TNK2: variants seen among roughly 807,000 people sequenced by gnomAD.
The protein encoded by TNK2 is tyrosine kinase non receptor 2, also known as activated CDC42 kinase 1.
A neutral mutation model predicts 101.8 loss-of-function variants in TNK2; 83 were observed. The ratio of observed to expected loss-of-function variants is 0.82; its 90% CI spans 0.68 to 0.98. The LOEUF is 0.98. TNK2 is among the 50% of genes least tolerant of loss of function. The pLI is 0.00. For missense variants in TNK2, 1,665 were observed against 1,483.2 expected, an observed-to-expected ratio of 1.12 and a Z score of -2.01; for synonymous variants, 804 against 633.0, an observed-to-expected ratio of 1.27 and a Z score of -4.06.
At chr3:195,876,691 G>A (rs1003015759) in intron 9 of TNK2, 2 of 453,122 alleles carry the variant, frequency 4.4e-6, no homozygotes, top group Non-Finnish European at 8.9e-6. Context: ...GGAGCCCCCA[G>A]AGCCCCACCA....
In TNK2 at chr3:195,885,788, G is replaced by A. The variant is rs183429318; in HGVS notation, c.235-755C>T. 7 of 355,076 alleles carry A rather than the reference G, an allele frequency of 2.0e-5. No homozygotes were observed. The highest frequency in any genetic ancestry group is 1.1e-4 in the Admixed American group (3 of 26,228). The allele number at this position is 355,076 out of a possible 1,614,324, so 22.0% of individuals were successfully genotyped here. A position where few individuals can be genotyped will look rare whatever the true frequency, so the allele number is the denominator to read the frequency against. ...CATGAGGGTCAAAGCTGGCCACGTC[G>A]GTCTGACTCGGCCTCCACTGAGGCA... On this transcript the variant is annotated intron_variant, in intron 3 of 15. Coordinates refer to ENST00000672887, the MANE Select transcript of TNK2 (RefSeq NM_001382273.1). This position sits in a 1 kb window ranked among gnomAD's most constrained non-coding sequence, Gnocchi z 4.7.
rs774417266 is a variant in TNK2 at position 195,867,055 on chromosome 3, G to A, written c.3034-39C>T. 30 of 1,611,242 alleles carry A rather than the reference G, an allele frequency of 1.9e-5. No individual in the cohort carries two copies. In the East Asian group the frequency reaches 2.5e-4, roughly 13 times the overall value. ...TGGCGCCATGGACACGCGGGCCCAGGGCACCGACTAGGGTGGGGAAGAGGG... is the reference window on the plus strand; with the variant it reads ...TGGCGCCATGGACACGCGGGCCCAGAGCACCGACTAGGGTGGGGAAGAGGG... On this transcript the variant is annotated intron_variant, in intron 14 of 15. Transcript: ENST00000672887.
At position 195,885,531 on chromosome 3, in the gene TNK2, G is replaced by A. The variant is rs1341504263; in HGVS notation, c.235-498C>T. 3.9e-6 allele frequency: 5 copies of A among 1,292,560 alleles called. No individual in the cohort carries two copies. The highest frequency in any genetic ancestry group is 5.0e-6 in the Non-Finnish European group (5 of 990,784). The allele number at this position is 1,292,560 out of a possible 1,614,324, so 80.1% of individuals were successfully genotyped here. On this transcript the variant is annotated intron_variant, in intron 3 of 15. Transcript: ENST00000672887. This position sits in a 1 kb window ranked among gnomAD's most constrained non-coding sequence, Gnocchi z 4.7. ...TGTCTCCACCCTCACCAGGGAGTCGGCTGCCCTTCATCCTGCCCAGGGGAG... is the reference window on the plus strand; with the variant it reads ...TGTCTCCACCCTCACCAGGGAGTCGACTGCCCTTCATCCTGCCCAGGGGAG...
chr3:195,867,477 T>C lies in TNK2; in HGVS notation c.2821A>G (p.Asn941Asp). 1 of 1,567,970 alleles carries C rather than the reference T, an allele frequency of 6.4e-7. No homozygotes were observed. The highest frequency in any genetic ancestry group is 1.4e-5 in the African/African-American group (1 of 73,024). Reference protein sequence around the residue: ...ALDPKANFSTNNSNPGARPPP... With the variant: ...ALDPKANFSTDNSNPGARPPP... Reference sequence around the variant, plus strand: ...GGCCGGGCCCCTGGGTTGCTGTTGTTGGTGGAGAAGTTGGCCTTGGGGTCC... The same window carrying C: ...GGCCGGGCCCCTGGGTTGCTGTTGTCGGTGGAGAAGTTGGCCTTGGGGTCC... The change falls in exon 13 of 16, where the codon AAC (asparagine) becomes GAC (aspartate). Residue 941 changes from asparagine (N) to aspartate (D), a missense_variant. Around this residue, in one of 3 missense-constraint regions of TNK2, gnomAD observed 1,136 missense variants for 894.9 expected, o/e 1.27. Transcript: ENST00000672887.
At position 195,888,621 on chromosome 3, in the gene TNK2, G is replaced by A. The variant is rs771396698; in HGVS notation, c.-18-15C>T. 2.5e-6 allele frequency: 4 copies of A among 1,600,274 alleles called. No homozygotes were observed. The highest frequency in any genetic ancestry group is 2.2e-5 in the East Asian group (1 of 44,694). Reference sequence around the variant, plus strand: ...CCTCCCAGCCTCTGTGGGGGGAGGAGTGGCTCAGGGACAAGGGTTGTGGGG... The same window carrying A: ...CCTCCCAGCCTCTGTGGGGGGAGGAATGGCTCAGGGACAAGGGTTGTGGGG... On this transcript the variant is annotated splice_polypyrimidine_tract_variant and intron_variant, in intron 1 of 15. Transcript: ENST00000672887. The surrounding 1 kb of genome is among the most constrained non-coding windows in gnomAD (Gnocchi z 5.3).
In TNK2 at chr3:195,868,571, C is replaced by T. The variant is rs761541404; in HGVS notation, c.1727G>A (p.Ser576Asn). The change falls in exon 13 of 16, where the codon AGC becomes AAC. Residue 576 changes from serine (S) to asparagine (N), a missense_variant. Physicochemically the swap from Ser to Asn is conservative, Grantham distance 46 (BLOSUM62 1). Around this residue, in one of 3 missense-constraint regions of TNK2, gnomAD observed 1,136 missense variants for 894.9 expected, o/e 1.27. Coordinates refer to ENST00000672887, the MANE Select transcript of TNK2 (RefSeq NM_001382273.1). ...PSARVPGTKASRGSGAEVTLI... is the reference protein window; with the variant it reads ...PSARVPGTKANRGSGAEVTLI... ...CGTGACCTCAGCCCCGCTGCCTCGG[C>T]TGGCCTTGGTGCCCGGCACCCGCGC... 1.9e-6 allele frequency: 3 copies of T among 1,574,860 alleles called. No homozygotes were observed. Among genetic ancestry groups the T allele is most frequent in the Non-Finnish European group, 2.6e-6 (3 of 1,169,028 alleles).
rs769465011 is a variant in TNK2, at chr3:195,867,984, A to G, written c.2314T>C (p.Ser772Pro). 1.0e-5 allele frequency: 16 copies of G among 1,550,734 alleles called. No homozygotes were observed. Among genetic ancestry groups the G allele is most frequent in the South Asian group, 2.4e-5 (2 of 84,470 alleles). The change falls in exon 13 of 16, where the codon TCT becomes CCT. Residue 772 changes from serine to proline, a missense_variant. Ser to Pro is a moderately conservative substitution (Grantham distance 74). Around this residue, in one of 3 missense-constraint regions of TNK2, gnomAD observed 1,136 missense variants for 894.9 expected, o/e 1.27. Coordinates refer to ENST00000672887, the MANE Select transcript of TNK2 (RefSeq NM_001382273.1). ...PRPTRPHVQL[S>P]PAPPGEEETS... ...TCCTCCTCGCCCGGGGGGGCTGGAG[A>G]CAGCTGGACGTGTGGGCGCGTGGGC...
intron 1 of TNK2, among the ~76,000 whole-genome samples, chr3:195,891,659 C>G (rs1021190662): frequency 1.1e-4 from 17 of 152,242 alleles, no homozygotes; most frequent in Non-Finnish European, 5.9e-5. Flanking sequence ...CAAAGTGACC[C>G]CCCCCCTCCA....
intron 1 of TNK2, among the ~76,000 whole-genome samples, chr3:195,891,370 C>T (rs1427167326): frequency 6.6e-6 from 1 of 152,252 alleles, no homozygotes; most frequent in Non-Finnish European, 1.5e-5. Flanking sequence ...CGTGCCATTG[C>T]ACTCCAGCCT....
chr3:195,870,362 C>T (rs765861853), intron 10 of TNK2, 157 bp from the exon 11 acceptor site: 3 of 1,496,234 alleles, frequency 2.0e-6, no homozygotes, highest in Non-Finnish European at 2.7e-6. Context: ...GACCGCACGT[C>T]TCAGCTGGGG....
At chr3:195,872,053 CTCCCCTGGAGAACAT>C (rs1433985346) in intron 10 of TNK2, among the ~76,000 whole-genome samples, 2 of 118,446 alleles carry the variant, frequency 1.7e-5, no homozygotes, top group East Asian at 2.5e-4. Context: ...CTGGAGAACA[CTCCCCTGGAGAACAT>C]TCCCCTGGAG....
intron 10 of TNK2, chr3:195,870,498 C>A: frequency 4.1e-6 from 4 of 968,360 alleles, no homozygotes; most frequent in Non-Finnish European, 5.6e-6. Context: ...GGCCCCCAGC[C>A]CACACCAGGC....
At position 195,878,212 on chromosome 3, in the gene TNK2, T is replaced by C; in HGVS notation, c.1256+41A>G. ...CACAGGTCCCTCCGACCTGTGCCCT[T>C]CAAGCGATCCCAGGGCGGGGCCCAG... On this transcript the variant is annotated intron_variant, in intron 9 of 15. Transcript: ENST00000672887. This position sits in a 1 kb window ranked among gnomAD's most constrained non-coding sequence, Gnocchi z 4.7. The C allele has an allele frequency of 1.9e-6, 3 of 1,602,576 alleles. No individual in the cohort carries two copies. Among genetic ancestry groups the C allele is most frequent in the Non-Finnish European group, 2.6e-6 (3 of 1,169,902 alleles).
At chr3:195,880,914 C>A (rs1242800362) in intron 6 of TNK2, among the ~76,000 whole-genome samples, 1 of 31,474 alleles carries the variant, frequency 3.2e-5, no homozygotes, top group African/African-American at 2.0e-4. Context: ...CAGCATCTAT[C>A]CCTGTAACAC....
At position 195,867,280 on chromosome 3, in the gene TNK2, C is replaced by A. The variant is rs1741515522; in HGVS notation, c.2938-16G>T. 1 of 1,612,262 alleles carries A rather than the reference C, an allele frequency of 6.2e-7. No individual in the cohort carries two copies. Among genetic ancestry groups the A allele is most frequent in the Non-Finnish European group, 8.5e-7 (1 of 1,179,490 alleles). ...TGGCCTGCAGCTGGGCACACCCACCCCTGTCAGCACCACTAGGGCCCACTG... is the reference window on the plus strand; with the variant it reads ...TGGCCTGCAGCTGGGCACACCCACCACTGTCAGCACCACTAGGGCCCACTG... On this transcript the variant is annotated splice_polypyrimidine_tract_variant and intron_variant, in intron 13 of 15. Transcript: ENST00000672887.
At chr3:195,873,393 C>T (rs1043500781) in intron 9 of TNK2, among the ~76,000 whole-genome samples, 2 of 151,872 alleles carry the variant, frequency 1.3e-5, no homozygotes, top group South Asian at 2.1e-4. Context: ...ACTTGTCATA[C>T]GTGATGCCGT....
chr3:195,887,054 G>A lies in TNK2; in HGVS notation c.164-7C>T. ...TCCCACAGCCGCCGCTGGCCTGCAG[G>A]GAGAGCGGGGAACCGCGTGCTGTGA... On this transcript the variant is annotated splice_region_variant and splice_polypyrimidine_tract_variant and intron_variant, in intron 2 of 15. Coordinates refer to ENST00000672887, the MANE Select transcript of TNK2 (RefSeq NM_001382273.1). 1 of 1,613,668 alleles carries A rather than the reference G, an allele frequency of 6.2e-7. No homozygotes were observed. The highest frequency in any genetic ancestry group is 8.5e-7 in the Non-Finnish European group (1 of 1,179,762).
intron 15 of TNK2, among the ~76,000 whole-genome samples, chr3:195,865,277 G>A (rs1263749946): frequency 3.9e-5 from 5 of 129,128 alleles, no homozygotes; most frequent in African/African-American, 5.9e-5. Flanking sequence ...GAGTGCCTGC[G>A]TCCCAGGTGC....
In TNK2 at chr3:195,885,293, C is replaced by T. The variant is rs1320958269; in HGVS notation, c.235-260G>A. ...GACAGGCATGCAGCCTGTGGCTGAG[C>T]GGCCCCACACCCAGCTGTGTGGAGA... On this transcript the variant is annotated intron_variant, in intron 3 of 15. Transcript: ENST00000672887. The surrounding 1 kb of genome is among the most constrained non-coding windows in gnomAD (Gnocchi z 4.7). 4.7e-6 allele frequency: 6 copies of T among 1,283,462 alleles called. No individual in the cohort carries two copies. Among genetic ancestry groups the T allele is most frequent in the Non-Finnish European group, 3.1e-6 (3 of 967,836 alleles). The allele number at this position is 1,283,462 out of a possible 1,614,324, so 79.5% of individuals were successfully genotyped here.
Sources: allele counts gnomAD v4.1 joint callset (sites outside exome capture counted in the v4.1 genomes callset), GRCh38; gene constraint gnomAD v4.1.1; regional missense constraint gnomAD v4.1.1; non-coding constraint Gnocchi (gnomAD v3.1); transcripts MANE v1.5; gene names NCBI Gene and HGNC (gene_info 2026-07-23, HGNC 2026-07-21).